The following WDR41 variants were observed in gnomAD, a reference collection of about 807,000 sequenced individuals.
The protein encoded by WDR41 is WD repeat domain 41, also known as WD repeat-containing protein 41.
A neutral mutation model predicts 69.3 loss-of-function variants in WDR41; 63 were observed. That is an observed-to-expected ratio of 0.91 (90% confidence interval 0.74 to 1.12). The LOEUF (loss-of-function observed/expected upper bound fraction) is 1.12, where lower values mean the gene tolerates loss of function less well. Ranked by LOEUF, WDR41 falls within the 50% of genes most tolerant of loss-of-function variation. The probability of loss-of-function intolerance (pLI) is 0.00; values close to 1 mark genes in which losing one functional copy is unlikely to be tolerated. For missense variants in WDR41, 543 were observed against 534.5 expected (o/e 1.02, Z -0.16); for synonymous variants, 185 against 192.1 (o/e 0.96, Z 0.31).
chr5:77,477,192 C>G (rs1228205860), intron 2 of WDR41, among the ~76,000 whole-genome samples: 12 of 149,126 alleles, frequency 8.0e-5, no homozygotes, highest in South Asian at 4.2e-4. Context: ...GAGTGACCTA[C>G]AAAGAGACTT....
rs139308843 is a variant in WDR41, at chr5:77,599,124, T to G, written c.42+21355A>C. The stretch of plus-strand genomic sequence containing the variant: ...AATGAGGTTAACTAAAACATACGTT[T>G]TTTTTTTTTCTATTGATAGAATTAT... On this transcript the variant is annotated intron_variant, in intron 1 of 5. Coordinates refer to the WDR41 transcript ENST00000509971. 5.0e-3 allele frequency among the ~76,000 whole-genome samples: 758 copies of G among 151,736 alleles called. 2 individuals are homozygous for G. The highest frequency in any genetic ancestry group is 0.017 in the African/African-American group (717 of 41,362).
rs191952499 is a variant in WDR41 at position 77,471,133 on chromosome 5, C to T, written c.168-6324G>A. 2.1e-3 allele frequency among the ~76,000 whole-genome samples: 326 copies of T among 152,278 alleles called. 1 individual carries two copies. The highest frequency in any genetic ancestry group is 7.5e-3 in the African/African-American group (311 of 41,558). ...CAGGATTAAGAAACTCACTCAAAAC[C>T]GTTCAACTACATGGAAACTGAACAA... is the stretch of plus-strand genomic sequence containing the variant. On this transcript the variant is annotated intron_variant, in intron 2 of 12. Transcript: ENST00000296679.
chr5:77,573,755 G>A lies in WDR41; in HGVS notation c.42+46724C>T, dbSNP rs571234008. On this transcript the variant is annotated intron_variant, in intron 1 of 5. Coordinates refer to the WDR41 transcript ENST00000509971. ...TCAGAAATTTCCGACAGAACTAGAT[G>A]TGGTCTAGACAGCATCAAACACACT... Among the ~76,000 whole-genome samples the A allele has an allele frequency of 3.3e-5, 5 of 152,292 alleles. No individual in the cohort carries two copies. The South Asian group carries it at 1.0e-3, about 32-fold the overall frequency.
At chr5:77,616,243 A>G (rs560410361) in intron 1 of WDR41, among the ~76,000 whole-genome samples, 31 of 152,198 alleles carry the variant, frequency 2.0e-4, no homozygotes, top group African/African-American at 7.5e-4. Context: ...TCACGAAATA[A>G]ATCCATCAGC....
In WDR41 at chr5:77,576,826, C is replaced by T. The variant is rs576813149; in HGVS notation, c.42+43653G>A. Among the ~76,000 whole-genome samples, 63 of 152,226 alleles carry T rather than the reference C, an allele frequency of 4.1e-4. 1 individual carries two copies. The highest frequency in any genetic ancestry group is 3.1e-3 in the South Asian group (15 of 4,816). On this transcript the variant is annotated intron_variant, in intron 1 of 5. Transcript: ENST00000509971. The stretch of plus-strand genomic sequence containing the variant: ...TATCATCCTGATTTTTGGTTAATAA[C>T]GTCACTCTCAGACCAATTACCTAAG...
intron 1 of WDR41, among the ~76,000 whole-genome samples, chr5:77,573,555 T>C (rs545045281): frequency 6.6e-6 from 1 of 152,316 alleles, no homozygotes; most frequent in South Asian, 2.1e-4. Flanking sequence ...TAACTCTTCA[T>C]GGTACCTCCT....
chr5:77,559,587 A>G (rs553434754), intron 1 of WDR41, among the ~76,000 whole-genome samples: 1 of 151,616 alleles, frequency 6.6e-6, no homozygotes, highest in East Asian at 1.9e-4. Flanking sequence ...TATAATGTTG[A>G]TGTATACATA....
intron 1 of WDR41, chr5:77,583,266 A>C (rs981702633): frequency 1.2e-5 from 7 of 608,190 alleles, no homozygotes; most frequent in Non-Finnish European, 2.0e-5. Context: ...TGTTATCTCA[A>C]CATTTTAGGA....
chr5:77,613,180 G>A (rs1255614295), intron 1 of WDR41, among the ~76,000 whole-genome samples: 2 of 152,260 alleles, frequency 1.3e-5, no homozygotes, highest in East Asian at 3.9e-4. Flanking sequence ...CCATGCTCAT[G>A]GGTAGGAAGA....
At chr5:77,484,142 T>C (rs946031849) in intron 2 of WDR41, among the ~76,000 whole-genome samples, 4 of 152,222 alleles carry the variant, frequency 2.6e-5, no homozygotes, top group Non-Finnish European at 5.9e-5. Flanking sequence ...TCTATGCTAA[T>C]GCATGAAGCA....
chr5:77,555,978 C>A (rs1454232204), intron 1 of WDR41, among the ~76,000 whole-genome samples: 1 of 150,970 alleles, frequency 6.6e-6, no homozygotes, highest in Non-Finnish European at 1.5e-5. Flanking sequence ...AAAGCTGGAG[C>A]AATTAACACA....
intron 1 of WDR41, among the ~76,000 whole-genome samples, chr5:77,573,084 C>A (rs1346108486): frequency 6.6e-6 from 1 of 152,138 alleles, no homozygotes; most frequent in African/African-American, 2.4e-5. Context: ...CATGTCACTA[C>A]CCTCAAAGAA....
At chr5:77,567,799 C>T (rs1743661310) in intron 1 of WDR41, among the ~76,000 whole-genome samples, 1 of 151,872 alleles carries the variant, frequency 6.6e-6, no homozygotes, top group African/African-American at 2.4e-5. Context: ...CAAGTATATG[C>T]ATTTTAATAA....
chr5:77,545,967 A>C lies in WDR41; in HGVS notation c.43-56395T>G. On this transcript the variant is annotated intron_variant, in intron 1 of 5. Transcript: ENST00000509971. ...AGGCCGCTGTGGCTCCGTGCTGGTG[A>C]CCTCATCCCTGTGCCCAGGAGCACT... 6.2e-6 allele frequency: 3 copies of C among 483,444 alleles called. No homozygotes were observed. In the South Asian group the frequency reaches 1.0e-4, roughly 17 times the overall value. 29.9% of individuals were successfully genotyped at this position (483,444 alleles called of 1,614,324 possible). A position where few individuals can be genotyped will look rare whatever the true frequency, so the allele number is the denominator to read the frequency against.
chr5:77,437,335 C>A lies in WDR41; in HGVS notation c.1093+1G>T, dbSNP rs1561725245. 6.2e-7 allele frequency: 1 copy of A among 1,613,394 alleles called. No homozygotes were observed. The highest frequency in any genetic ancestry group is 8.5e-7 in the Non-Finnish European group (1 of 1,179,580). The stretch of plus-strand genomic sequence containing the variant: ...CTACCTTTTTGAGAGAAGACACACA[C>A]CTGTTGGTACAGGCTCAGCTGCAAG... On this transcript the variant is annotated splice_donor_variant, in intron 11 of 12. Coordinates refer to ENST00000296679, the MANE Select transcript of WDR41 (RefSeq NM_018268.4). LOFTEE classifies it high-confidence loss of function.
intron 1 of WDR41, among the ~76,000 whole-genome samples, chr5:77,616,018 T>TAAA: frequency 6.8e-6 from 1 of 148,112 alleles, no homozygotes; most frequent in Non-Finnish European, 1.5e-5. Context: ...AATAAATAAA[T>TAAA]TAATTAATTA....
At chr5:77,485,726 C>T (rs1476422847) in intron 2 of WDR41, among the ~76,000 whole-genome samples, 1 of 152,088 alleles carries the variant, frequency 6.6e-6, no homozygotes, top group Non-Finnish European at 1.5e-5. Flanking sequence ...ATACGACCCT[C>T]ACTTCATGTT....
intron 1 of WDR41, among the ~76,000 whole-genome samples, chr5:77,578,545 CA>C (rs2112286112): frequency 6.6e-6 from 1 of 152,212 alleles, no homozygotes; most frequent in Non-Finnish European, 1.5e-5. Context: ...GAAAAGACTT[CA>C]AAGTAGCCAT....
chr5:77,437,695 T>C (rs1175962901), intron 10 of WDR41, among the ~76,000 whole-genome samples: 1 of 152,214 alleles, frequency 6.6e-6, no homozygotes, highest in African/African-American at 2.4e-5. Context: ...TGAATTATAC[T>C]TCACAATGTC....
Sources: allele counts gnomAD v4.1 joint callset (sites outside exome capture counted in the v4.1 genomes callset), GRCh38; gene constraint gnomAD v4.1.1; transcripts MANE v1.5; gene names NCBI Gene and HGNC (gene_info 2026-07-23, HGNC 2026-07-21).